Variants in EIF2AK1 observed in about 807,000 individuals in gnomAD.
EIF2AK1 encodes eukaryotic translation initiation factor 2-alpha kinase 1.
EIF2AK1 carries 54 observed loss-of-function variants against 77.9 expected under a neutral mutation model. The observed-to-expected ratio is 0.69, with a 90% CI of 0.56 to 0.87. The LOEUF is 0.87. Among genes scored for constraint, EIF2AK1 ranks in the 40% least tolerant of loss-of-function variants. The pLI, the probability that EIF2AK1 is intolerant of heterozygous loss-of-function variation, is 0.00. For missense variants in EIF2AK1, 810 were observed against 768.6 expected (o/e 1.05, Z -0.64); for synonymous variants, 314 against 290.5 (o/e 1.08, Z -0.82).
rs559626202 is a variant in EIF2AK1 at position 6,050,769 on chromosome 7, AT to A, written c.278-725del. 3.2e-4 allele frequency among the ~76,000 whole-genome samples: 48 copies of A among 151,742 alleles called. 2 individuals carry two copies. In the South Asian group the frequency reaches 9.8e-3, roughly 31 times the overall value. On this transcript the variant is annotated intron_variant, in intron 2 of 14. Transcript: ENST00000199389. ...AGGCGCCTGCCACCAGGCCCAGCTA[AT>A]TTTTTTGTATATTTAGTAGAGAAGG...
Position 6,039,498 on chromosome 7 carries a change from T to C in EIF2AK1, c.1120-827A>G, listed in dbSNP as rs549091815. Among the ~76,000 whole-genome samples, 8 of 151,876 alleles carry C rather than the reference T, an allele frequency of 5.3e-5. No homozygotes were observed. In the East Asian group the frequency reaches 1.2e-3, roughly 22 times the overall value. On this transcript the variant is annotated intron_variant, in intron 9 of 14. Coordinates refer to ENST00000199389, the MANE Select transcript of EIF2AK1 (RefSeq NM_014413.4). ...TCAGCCAGGCGTAGTGGCGCGTGCC[T>C]GTAATCCCACTACTCAGGAGGCTGA...
At chr7:6,056,613 A>AAAAAATATATATATATATAT in intron 1 of EIF2AK1, among the ~76,000 whole-genome samples, 48 of 43,714 alleles carry the variant, frequency 1.1e-3, no homozygotes, top group African/African-American at 3.5e-3. Flanking sequence ...AAAAAAAAAA[A>AAAAAATATATATATATATAT]ATATATATAT....
chr7:6,023,152 G>T lies in EIF2AK1; in HGVS notation c.*1521C>A. 1 of 910,382 alleles carries T rather than the reference G, an allele frequency of 1.1e-6. No individual in the cohort carries two copies. The highest frequency in any genetic ancestry group is 2.6e-5 in the East Asian group (1 of 38,746). 56.4% of individuals were successfully genotyped at this position (910,382 alleles called of 1,614,324 possible). On this transcript the variant is annotated 3_prime_UTR_variant, in exon 15 of 15. Coordinates refer to ENST00000199389, the MANE Select transcript of EIF2AK1 (RefSeq NM_014413.4). The stretch of plus-strand genomic sequence containing the variant: ...ACCCTTTTCAGTAGTAAGCATCTTA[G>T]AGACAGACTGAAAATGTGATGTTCT...
intron 2 of EIF2AK1, among the ~76,000 whole-genome samples, chr7:6,050,969 A>G (rs475323): frequency 0.81 from 122,464 of 151,942 alleles, 49,468 homozygotes; most frequent in East Asian, 0.91. Flanking sequence ...GTACTAAGCC[A>G]TTTCTAAAAA....
At chr7:6,045,124 T>G (rs970238197) in intron 6 of EIF2AK1, among the ~76,000 whole-genome samples, 15 of 152,212 alleles carry the variant, frequency 9.9e-5, no homozygotes, top group African/African-American at 3.6e-4. Context: ...TTTTTTTTTT[T>G]TGAGACAGAG....
At chr7:6,041,850 A>AT (rs1362502829) in intron 8 of EIF2AK1, among the ~76,000 whole-genome samples, 1 of 151,408 alleles carries the variant, frequency 6.6e-6, no homozygotes, top group Non-Finnish European at 1.5e-5. Context: ...AAAAAAAAAA[A>AT]AAAAAGCCAA....
Position 6,035,313 on chromosome 7 carries a change from T to A in EIF2AK1, c.1332+2111A>T, listed in dbSNP as rs1047709290. The A allele has an allele frequency of 1.6e-5, 15 of 956,772 alleles. No individual in the cohort carries two copies. The Admixed American group carries it at 3.8e-4, about 24-fold the overall frequency. 59.3% of individuals were successfully genotyped at this position (956,772 alleles called of 1,614,324 possible). A position where few individuals can be genotyped will look rare whatever the true frequency, so the allele number is the denominator to read the frequency against. On this transcript the variant is annotated intron_variant, in intron 11 of 14. Transcript: ENST00000199389. This position sits in a 1 kb window ranked among gnomAD's most constrained non-coding sequence, Gnocchi z 5.5. ...TGAGAAACTACCCAGCGATACAGAT[T>A]TTGAAACACGTCCTTAAGGTAATTG...
intron 2 of EIF2AK1, among the ~76,000 whole-genome samples, chr7:6,054,325 T>G (rs964205117): frequency 6.6e-6 from 1 of 152,096 alleles, no homozygotes; most frequent in African/African-American, 2.4e-5. Context: ...CGCCTCAGCC[T>G]CCCGAGTAGC....
chr7:6,024,572 G>A lies in EIF2AK1; in HGVS notation c.*101C>T. 1 of 1,565,536 alleles carries A rather than the reference G, an allele frequency of 6.4e-7. No homozygotes were observed. Among genetic ancestry groups the A allele is most frequent in the East Asian group, 2.3e-5 (1 of 43,592 alleles). On this transcript the variant is annotated 3_prime_UTR_variant, in exon 15 of 15. Coordinates refer to ENST00000199389, the MANE Select transcript of EIF2AK1 (RefSeq NM_014413.4). ...CACTCTGACATCTTTAACAAGTCTT[G>A]TAAAGGCTTACTAAATACAACGAAG...
chr7:6,050,842 A>T (rs1285401002), intron 2 of EIF2AK1, among the ~76,000 whole-genome samples: 2 of 151,842 alleles, frequency 1.3e-5, no homozygotes, highest in Non-Finnish European at 2.9e-5. Flanking sequence ...TGACCTCGTG[A>T]TCCACCCACC....
rs898603900 is a variant in EIF2AK1 at position 6,036,845 on chromosome 7, C to T, written c.1332+579G>A. On this transcript the variant is annotated intron_variant, in intron 11 of 14. Coordinates refer to ENST00000199389, the MANE Select transcript of EIF2AK1 (RefSeq NM_014413.4). The surrounding 1 kb of genome is among the most constrained non-coding windows in gnomAD (Gnocchi z 4.6). Reference sequence around the variant, plus strand: ...CTGTCAGCACTAAATACATTTAGCACCCCTGATTATAGCAGTACTCAGAGC... The same window carrying T: ...CTGTCAGCACTAAATACATTTAGCATCCCTGATTATAGCAGTACTCAGAGC... 2.0e-5 allele frequency among the ~76,000 whole-genome samples: 3 copies of T among 152,040 alleles called. No individual in the cohort carries two copies. Among genetic ancestry groups the T allele is most frequent in the East Asian group, 1.9e-4 (1 of 5,192 alleles).
chr7:6,027,068 G>T lies in EIF2AK1; in HGVS notation c.1531-107C>A. On this transcript the variant is annotated intron_variant, in intron 13 of 14. Coordinates refer to ENST00000199389, the MANE Select transcript of EIF2AK1 (RefSeq NM_014413.4). This position sits in a 1 kb window ranked among gnomAD's most constrained non-coding sequence, Gnocchi z 4.5. Reference sequence around the variant, plus strand: ...ACAGGAGAGGGTTTCTAAGAATGAGGATATACGGTCACCCACAAGGAAGGG... The same window carrying T: ...ACAGGAGAGGGTTTCTAAGAATGAGTATATACGGTCACCCACAAGGAAGGG... 1 of 884,916 alleles carries T rather than the reference G, an allele frequency of 1.1e-6. No individual in the cohort carries two copies. The highest frequency in any genetic ancestry group is 1.8e-6 in the Non-Finnish European group (1 of 557,542). 54.8% of individuals were successfully genotyped at this position (884,916 alleles called of 1,614,324 possible).
chr7:6,048,831 T>A lies in EIF2AK1; in HGVS notation c.425A>T (p.Asp142Val). 1 of 1,588,734 alleles carries A rather than the reference T, an allele frequency of 6.3e-7. No individual in the cohort carries two copies. The highest frequency in any genetic ancestry group is 1.2e-5 in the South Asian group (1 of 83,834). ...CCTGATTTTCTGGATACGAGAAATA[T>A]CCTCACAAGGATCCTACAATTAAAA... ...KERVRQDPCE[D>V]ISRIQKIRSR... is the part of the protein sequence containing the mutation. Residue 142 changes from aspartate to valine, a missense_variant, in exon 4 of 15, where the codon GAT becomes GTT. By Grantham distance (152) the Asp-to-Val change is radical. Around this residue, in one of 3 missense-constraint regions of EIF2AK1, gnomAD observed 246 missense variants for 199.0 expected, o/e 1.24. Coordinates refer to ENST00000199389, the MANE Select transcript of EIF2AK1 (RefSeq NM_014413.4).
In EIF2AK1 at chr7:6,033,813, TC is replaced by T. The variant is rs1406398080; in HGVS notation, c.1332+3610del. The stretch of plus-strand genomic sequence containing the variant: ...CTCAATCTCCTGACCTCGTGATCCG[TC>T]CACCTCAGCCTCCCAAAGTGCTGGG... On this transcript the variant is annotated intron_variant, in intron 11 of 14. Transcript: ENST00000199389. This position sits in a 1 kb window ranked among gnomAD's most constrained non-coding sequence, Gnocchi z 4.4. 6.6e-6 allele frequency among the ~76,000 whole-genome samples: 1 copy of T among 151,070 alleles called. No individual in the cohort carries two copies. Among genetic ancestry groups the T allele is most frequent in the Non-Finnish European group, 1.5e-5 (1 of 67,672 alleles).
chr7:6,036,526 C>A lies in EIF2AK1; in HGVS notation c.1332+898G>T. The A allele has an allele frequency of 2.0e-6, 1 of 508,244 alleles. No individual in the cohort carries two copies. Among genetic ancestry groups the A allele is most frequent in the Non-Finnish European group, 3.2e-6 (1 of 316,160 alleles). The allele number at this position is 508,244 out of a possible 1,614,324, so 31.5% of individuals were successfully genotyped here. A position where few individuals can be genotyped will look rare whatever the true frequency, so the allele number is the denominator to read the frequency against. On this transcript the variant is annotated intron_variant, in intron 11 of 14. Coordinates refer to ENST00000199389, the MANE Select transcript of EIF2AK1 (RefSeq NM_014413.4). The surrounding 1 kb of genome is among the most constrained non-coding windows in gnomAD (Gnocchi z 4.6). Reference sequence around the variant, plus strand: ...AAACTACTGATTCTTGAACATGTTCCAAAATACAAAGTGATTTGTCTATTA... The same window carrying A: ...AAACTACTGATTCTTGAACATGTTCAAAAATACAAAGTGATTTGTCTATTA...
chr7:6,056,898 A>G (rs1788789301), intron 1 of EIF2AK1, among the ~76,000 whole-genome samples: 1 of 151,586 alleles, frequency 6.6e-6, no homozygotes, highest in African/African-American at 2.4e-5. Flanking sequence ...GTGGGGAAAA[A>G]GTTATTTGTC....
At position 6,024,406 on chromosome 7, in the gene EIF2AK1, C is replaced by G; in HGVS notation, c.*267G>C. ...TCTAGAGGAAGACCAGACAGAGGGTCAACAGAGTTGAAAGGAGAAAATAAT... is the reference window on the plus strand; with the variant it reads ...TCTAGAGGAAGACCAGACAGAGGGTGAACAGAGTTGAAAGGAGAAAATAAT... On this transcript the variant is annotated 3_prime_UTR_variant, in exon 15 of 15. Transcript: ENST00000199389. The G allele has an allele frequency of 7.6e-7, 1 of 1,320,674 alleles. No homozygotes were observed. Among genetic ancestry groups the G allele is most frequent in the Non-Finnish European group, 9.7e-7 (1 of 1,031,968 alleles). The allele number at this position is 1,320,674 out of a possible 1,614,324, so 81.8% of individuals were successfully genotyped here. A position where few individuals can be genotyped will look rare whatever the true frequency, so the allele number is the denominator to read the frequency against.
intron 2 of EIF2AK1, among the ~76,000 whole-genome samples, chr7:6,050,600 CTCT>C (rs1788581478): frequency 6.9e-6 from 1 of 145,884 alleles, no homozygotes; most frequent in African/African-American, 2.5e-5. Context: ...ATAATTACTT[CTCT>C]TTTTTTTTTT....
intron 1 of EIF2AK1, among the ~76,000 whole-genome samples, chr7:6,055,692 A>G (rs898762583): frequency 4.0e-5 from 6 of 151,728 alleles, no homozygotes; most frequent in South Asian, 2.1e-4. Flanking sequence ...AAAAAAAAAA[A>G]AAACCTAGCT....
Sources: gnomAD v4.1 joint callset for allele counts (sites outside exome capture counted in the v4.1 genomes callset) on GRCh38, gnomAD v4.1.1 for gene constraint, gnomAD v4.1.1 regional missense constraint, Gnocchi (gnomAD v3.1) non-coding constraint, MANE v1.5 for transcripts, NCBI Gene and HGNC (gene_info 2026-07-23, HGNC 2026-07-21) for gene names.